The following STPG2 variants were observed in gnomAD, a reference collection of about 807,000 sequenced individuals.
STPG2 encodes sperm tail PG-rich repeat containing 2.
A neutral mutation model predicts 54.2 loss-of-function variants in STPG2; 56 were observed. The observed-to-expected ratio is 1.03, with a 90% confidence interval of 0.83 to 1.29. The LOEUF (loss-of-function observed/expected upper bound fraction) is 1.29. STPG2 is among the 50% of genes most tolerant of loss of function. The pLI is 0.00. For missense variants in STPG2, 596 were observed against 544.9 expected, an observed-to-expected ratio of 1.09 and a Z score of -0.93; for synonymous variants, 200 against 181.8, an observed-to-expected ratio of 1.10 and a Z score of -0.81.
chr4:97,788,103 T>C (rs1352502925), intron 9 of STPG2, among the ~76,000 whole-genome samples: 1 of 151,998 alleles, frequency 6.6e-6, no homozygotes, highest in African/African-American at 2.4e-5. Flanking sequence ...CTCTTAGTTA[T>C]TTTAAAAGTG....
intron 8 of STPG2, among the ~76,000 whole-genome samples, chr4:97,902,469 T>A (rs1731215407): frequency 6.6e-6 from 1 of 152,094 alleles, no homozygotes; most frequent in Non-Finnish European, 1.5e-5. Context: ...AACAAATAAC[T>A]AACAGTTGGC....
At chr4:97,538,856 T>C (rs1731612358) in intron 4 of STPG2, among the ~76,000 whole-genome samples, 5 of 152,220 alleles carry the variant, frequency 3.3e-5, no homozygotes, top group Admixed American at 1.3e-4. Flanking sequence ...AGCAGAAACT[T>C]TACAAGCCAG....
chr4:97,780,851 A>G (rs112998629), intron 9 of STPG2, among the ~76,000 whole-genome samples: 2,518 of 151,834 alleles, frequency 0.017, 66 homozygotes, highest in African/African-American at 0.058. Context: ...TAAGGAAATG[A>G]AGGCAGAAAT....
At chr4:97,591,734 C>G (rs1733151613) in intron 10 of STPG2, among the ~76,000 whole-genome samples, 1 of 152,114 alleles carries the variant, frequency 6.6e-6, no homozygotes, top group South Asian at 2.1e-4. Flanking sequence ...TCATGGTTTC[C>G]TCAGAAGGCA....
chr4:97,681,611 T>C (rs1459803731), intron 10 of STPG2, among the ~76,000 whole-genome samples: 1 of 151,860 alleles, frequency 6.6e-6, no homozygotes, highest in South Asian at 2.1e-4. Flanking sequence ...ACTAATTGTA[T>C]AAGCAACTCA....
chr4:97,773,534 A>T (rs966271104), intron 9 of STPG2, among the ~76,000 whole-genome samples: 1 of 152,002 alleles, frequency 6.6e-6, no homozygotes, highest in Non-Finnish European at 1.5e-5. Context: ...CAGGTCACAG[A>T]CTCATGAGCT....
chr4:97,466,404 T>C (rs1179073527), intron 4 of STPG2, among the ~76,000 whole-genome samples: 1 of 152,052 alleles, frequency 6.6e-6, no homozygotes, highest in Non-Finnish European at 1.5e-5. Context: ...CTGTCTACAT[T>C]TAGAGTCAAG....
chr4:97,729,284 G>T (rs1429781688), intron 9 of STPG2, among the ~76,000 whole-genome samples: 2 of 151,944 alleles, frequency 1.3e-5, no homozygotes, highest in African/African-American at 4.8e-5. Context: ...CTATCTTTCA[G>T]ATTTGGAGAA....
intron 9 of STPG2, among the ~76,000 whole-genome samples, chr4:97,814,899 T>C (rs1171236158): frequency 6.6e-6 from 1 of 152,120 alleles, no homozygotes; most frequent in Non-Finnish European, 1.5e-5. Context: ...TGTGGGACCC[T>C]GTGATCGTGT....
chr4:97,914,819 A>G (rs1028769425), intron 8 of STPG2, among the ~76,000 whole-genome samples: 7 of 152,172 alleles, frequency 4.6e-5, no homozygotes, highest in African/African-American at 1.7e-4. Flanking sequence ...CAGATTTTGG[A>G]GCGTTTCCCA....
chr4:97,632,369 T>C (rs1282377508), intron 10 of STPG2, among the ~76,000 whole-genome samples: 3 of 151,678 alleles, frequency 2.0e-5, no homozygotes, highest in Admixed American at 2.0e-4. Flanking sequence ...GGAAAAACTA[T>C]CAAGCTGCAA....
At chr4:97,938,664 G>A (rs1732853771) in intron 8 of STPG2, among the ~76,000 whole-genome samples, 1 of 152,176 alleles carries the variant, frequency 6.6e-6, no homozygotes, top group Admixed American at 6.5e-5. Context: ...TTCCCAGGCT[G>A]GATGGCACGC....
At chr4:97,994,432 G>A (rs755047963) in intron 5 of STPG2, among the ~76,000 whole-genome samples, 14 of 152,282 alleles carry the variant, frequency 9.2e-5, no homozygotes, top group East Asian at 7.7e-4. Flanking sequence ...TGAACAGAAC[G>A]TATATTCTGC....
chr4:97,918,938 C>T (rs1451536992), intron 8 of STPG2, among the ~76,000 whole-genome samples: 1 of 151,988 alleles, frequency 6.6e-6, no homozygotes, highest in African/African-American at 2.4e-5. Context: ...TAACCAAACA[C>T]CACCTGTTCC....
At chr4:97,759,247 T>C (rs1725820109) in intron 9 of STPG2, among the ~76,000 whole-genome samples, 1 of 152,148 alleles carries the variant, frequency 6.6e-6, no homozygotes, top group Non-Finnish European at 1.5e-5. Flanking sequence ...GCCTTTATTC[T>C]GAACACAAAA....
intron 5 of STPG2, among the ~76,000 whole-genome samples, chr4:98,032,131 T>G (rs1370726906): frequency 5.3e-5 from 8 of 152,208 alleles, no homozygotes; most frequent in Admixed American, 3.9e-4. Context: ...TGTAAACTGG[T>G]ACAACTACTA....
chr4:97,804,042 T>A (rs1352120214), intron 9 of STPG2, among the ~76,000 whole-genome samples: 2 of 152,216 alleles, frequency 1.3e-5, no homozygotes. Flanking sequence ...CAGTTATCTC[T>A]GACACAATAA....
intron 4 of STPG2, among the ~76,000 whole-genome samples, chr4:97,539,318 G>T (rs971095587): frequency 1.3e-5 from 2 of 151,986 alleles, no homozygotes; most frequent in South Asian, 4.2e-4. Flanking sequence ...CAGAGACACA[G>T]ACAGGCTCAA....
intron 9 of STPG2, among the ~76,000 whole-genome samples, chr4:97,738,146 C>T (rs1003896211): frequency 2.0e-5 from 3 of 152,120 alleles, no homozygotes; most frequent in Non-Finnish European, 2.9e-5. Flanking sequence ...AAATACTTTA[C>T]AGACAAGGAA....
Sources: allele counts gnomAD v4.1 joint callset (sites outside exome capture counted in the v4.1 genomes callset), GRCh38; gene constraint gnomAD v4.1.1; transcripts MANE v1.5; gene names NCBI Gene and HGNC (gene_info 2026-07-23, HGNC 2026-07-21).